ZNF469: variants seen among roughly 807,000 people sequenced by gnomAD.
ZNF469 encodes zinc finger protein 469.
Under a neutral mutation model 1.0 loss-of-function variants are expected in ZNF469, and 1 was observed. The observed-to-expected ratio is 1.00, with a 90% confidence interval of 0.35 to 4.73. The LOEUF is 4.73. Ranked by LOEUF, ZNF469 falls within the 30% of genes most tolerant of loss-of-function variation. The probability of loss-of-function intolerance (pLI) is 0.16; values close to 1 mark genes in which losing one functional copy is unlikely to be tolerated. For synonymous variants in ZNF469, 2,703 were observed against 2,363.4 expected (o/e 1.14, Z -4.17); for missense variants, 6,100 against 5,356.3 (o/e 1.14, Z -4.33).
the ZNF469 span, among the ~76,000 whole-genome samples, chr16:88,263,675 C>T: frequency 6.6e-6 from 1 of 152,118 alleles, no homozygotes; most frequent in Admixed American, 6.5e-5. Flanking sequence ...CCGGGGGGTC[C>T]AGAGTCGCCA....
intron 1 of ZNF469, among the ~76,000 whole-genome samples, chr16:88,400,870 A>T (rs1904834259): frequency 6.6e-6 from 1 of 151,814 alleles, no homozygotes; most frequent in Non-Finnish European, 1.5e-5. Context: ...GGTTACCACC[A>T]CTAGGGACCA....
At chr16:88,226,220 C>G in the ZNF469 span, among the ~76,000 whole-genome samples, 1 of 152,074 alleles carries the variant, frequency 6.6e-6, no homozygotes, top group Non-Finnish European at 1.5e-5. Context: ...TTGTGTCCCC[C>G]CAAAAGGCAT....
the ZNF469 span, among the ~76,000 whole-genome samples, chr16:88,377,890 A>C: frequency 3.8e-5 from 4 of 105,668 alleles, no homozygotes; most frequent in African/African-American, 3.7e-4. Context: ...GTTTGATGCC[A>C]GGAAAAAAAA....
At chr16:88,180,044 A>G in the ZNF469 span, among the ~76,000 whole-genome samples, 5 of 152,234 alleles carry the variant, frequency 3.3e-5, no homozygotes, top group African/African-American at 1.2e-4. Flanking sequence ...AAAATGAAAT[A>G]ATAAAAAATA....
chr16:88,349,391 C>A, the ZNF469 span, among the ~76,000 whole-genome samples: 2 of 150,386 alleles, frequency 1.3e-5, no homozygotes, highest in Non-Finnish European at 3.0e-5. Context: ...CACACAAGGG[C>A]ACACACACCA....
At chr16:88,192,871 GTGATGATGATGA>G in the ZNF469 span, among the ~76,000 whole-genome samples, 1 of 148,528 alleles carries the variant, frequency 6.7e-6, no homozygotes, top group African/African-American at 2.5e-5. Context: ...GACGGTGGTG[GTGATGATGATGA>G]TGGTGGTGGT....
chr16:88,338,969 T>C, the ZNF469 span, among the ~76,000 whole-genome samples: 1 of 151,902 alleles, frequency 6.6e-6, no homozygotes, highest in Non-Finnish European at 1.5e-5. Context: ...CACTTTGTTC[T>C]GGAAGCCCCA....
the ZNF469 span, among the ~76,000 whole-genome samples, chr16:88,113,226 T>C: frequency 6.6e-6 from 1 of 152,218 alleles, no homozygotes; most frequent in Non-Finnish European, 1.5e-5. Context: ...AGTTTCATCA[T>C]TGGAGGTCTT....
intron 1 of ZNF469, among the ~76,000 whole-genome samples, chr16:88,393,904 C>T (rs1904566366): frequency 6.6e-6 from 1 of 152,218 alleles, no homozygotes; most frequent in Admixed American, 6.5e-5. Flanking sequence ...AAAGGGCGAG[C>T]CATGCTGGGG....
At chr16:88,171,363 G>T in the ZNF469 span, among the ~76,000 whole-genome samples, 1 of 152,318 alleles carries the variant, frequency 6.6e-6, no homozygotes, top group African/African-American at 2.4e-5. Flanking sequence ...CTGGAGTTCT[G>T]TGGAGCATGT....
chr16:88,235,929 T>C, the ZNF469 span, among the ~76,000 whole-genome samples: 43 of 152,296 alleles, frequency 2.8e-4, no homozygotes, highest in African/African-American at 9.1e-4. Flanking sequence ...AAAGGCGGGA[T>C]GACTTCAAGG....
chr16:88,244,279 G>A, the ZNF469 span, among the ~76,000 whole-genome samples: 1 of 151,410 alleles, frequency 6.6e-6, no homozygotes, highest in African/African-American at 2.4e-5. Flanking sequence ...GTGAATGGAT[G>A]GATGGATGAA....
chr16:88,173,216 G>C, the ZNF469 span, among the ~76,000 whole-genome samples: 11 of 152,066 alleles, frequency 7.2e-5, no homozygotes, highest in Admixed American at 1.3e-4. Context: ...CTTAGAAGCA[G>C]CCAGATAAGA....
chr16:88,163,053 G>A, the ZNF469 span, among the ~76,000 whole-genome samples: 1 of 151,918 alleles, frequency 6.6e-6, no homozygotes, highest in African/African-American at 2.4e-5. Flanking sequence ...GGATGTGTGG[G>A]TGGGTAGATG....
chr16:88,108,177 G>A, the ZNF469 span, among the ~76,000 whole-genome samples: 5 of 146,706 alleles, frequency 3.4e-5, no homozygotes, highest in African/African-American at 1.3e-4. Flanking sequence ...GGGGATGTGG[G>A]GATGGAGGTG....
the ZNF469 span, among the ~76,000 whole-genome samples, chr16:88,353,207 C>A: frequency 6.6e-6 from 1 of 152,198 alleles, no homozygotes; most frequent in Admixed American, 6.5e-5. Flanking sequence ...AGAGAGAGCG[C>A]TCCCAGGTCC....
the ZNF469 span, among the ~76,000 whole-genome samples, chr16:88,286,345 A>G: frequency 6.6e-6 from 1 of 152,236 alleles, no homozygotes; most frequent in African/African-American, 2.4e-5. Context: ...GGCTGCTGAC[A>G]TCTGCCGTTA....
chr16:88,232,675 G>A, the ZNF469 span, among the ~76,000 whole-genome samples: 1 of 152,232 alleles, frequency 6.6e-6, no homozygotes, highest in African/African-American at 2.4e-5. Flanking sequence ...GAGGGTAGCT[G>A]CAGAGTGATC....
At chr16:88,380,719 TACACACACAGACATGCACTCAC>T (rs2092520208), upstream of ZNF469, among the ~76,000 whole-genome samples, 1 of 88,362 alleles carries the variant, frequency 1.1e-5, no homozygotes, top group African/African-American at 4.6e-5. Flanking sequence ...CATGCACTCA[TACACACACAGACATGCACTCAC>T]ACACAGACAT....
Sources: gnomAD v4.1 joint callset for allele counts (sites outside exome capture counted in the v4.1 genomes callset) on GRCh38, gnomAD v4.1.1 for gene constraint, MANE v1.5 for transcripts, NCBI Gene and HGNC (gene_info 2026-07-23, HGNC 2026-07-21) for gene names.